UNC13B: variants seen among roughly 807,000 people sequenced by gnomAD.
UNC13B encodes the protein protein unc-13 homolog B.
In UNC13B, 144 loss-of-function variants were observed where a neutral mutation model predicts 211.0. That is an observed-to-expected ratio of 0.68 (90% CI 0.60 to 0.78). The LOEUF is 0.78. Ranked by LOEUF, UNC13B falls within the 30% of genes least tolerant of loss-of-function variation. UNC13B has a pLI of 0.00. For synonymous variants in UNC13B, 709 were observed against 725.8 expected, an observed-to-expected ratio of 0.98 and a Z score of 0.37; for missense variants, 1,777 against 2,002.0, an observed-to-expected ratio of 0.89 and a Z score of 2.14.
chr9:35,295,884 T>C lies in UNC13B; in HGVS notation c.715T>C (p.Ser239Pro). ...CAGTTCCCGGGACTCTTGTAATGAC[T>C]CTATGCAAAGTTATGACCTTGATTA... is the stretch of plus-strand genomic sequence containing the variant. ...QGSSRDSCNDSMQSYDLDYPE... is the reference protein window; with the variant it reads ...QGSSRDSCNDPMQSYDLDYPE... Residue 239 changes from serine to proline, a missense_variant, in exon 8 of 40, where the codon TCT becomes CCT. Ser to Pro is a moderately conservative substitution (Grantham distance 74). Transcript: ENST00000635942. 1 of 1,613,980 alleles carries C rather than the reference T, an allele frequency of 6.2e-7. No individual in the cohort carries two copies. Among genetic ancestry groups the C allele is most frequent in the Non-Finnish European group, 8.5e-7 (1 of 1,179,952 alleles).
chr9:35,346,032 T>C (rs1192652782), intron 11 of UNC13B, among the ~76,000 whole-genome samples: 1 of 152,230 alleles, frequency 6.6e-6, no homozygotes, highest in African/African-American at 2.4e-5. Flanking sequence ...TGCTAAGCCT[T>C]TGATCTAGGG....
chr9:35,168,098 T>G (rs769516408), intron 1 of UNC13B, among the ~76,000 whole-genome samples: 5 of 151,952 alleles, frequency 3.3e-5, no homozygotes, highest in Admixed American at 6.6e-5. Flanking sequence ...TTTCTACTTT[T>G]TGTAGGATGG....
rs1830128185 is a variant in UNC13B at position 35,310,461 on chromosome 9, T to C, written c.9009-6T>C. ...TTACTTATCTGTCTTTCTGTCATTC[T>C]CACAGCCCCACCAGCAGCAGTAGGT... On this transcript the variant is annotated splice_polypyrimidine_tract_variant and splice_region_variant and intron_variant, in intron 9 of 39. Coordinates refer to ENST00000635942, the MANE Select transcript of UNC13B (RefSeq NM_001371189.2). 3 of 1,611,570 alleles carry C rather than the reference T, an allele frequency of 1.9e-6. No individual in the cohort carries two copies. The highest frequency in any genetic ancestry group is 2.5e-6 in the Non-Finnish European group (3 of 1,178,064).
intron 1 of UNC13B, among the ~76,000 whole-genome samples, chr9:35,215,656 T>C (rs2131435293): frequency 6.6e-6 from 1 of 152,366 alleles, no homozygotes; most frequent in East Asian, 1.9e-4. Context: ...TGGAATGTGA[T>C]AAACTAGTTT....
At chr9:35,402,929 A>T (rs188529910) in intron 37 of UNC13B, among the ~76,000 whole-genome samples, 56 of 152,280 alleles carry the variant, frequency 3.7e-4, no homozygotes, top group Admixed American at 1.9e-3. Context: ...GATCCTTGAG[A>T]GAGAGTCTTA....
chr9:35,353,158 GAAT>G, intron 11 of UNC13B: 1 of 1,232,150 alleles, frequency 8.1e-7, no homozygotes, highest in Non-Finnish European at 1.0e-6. Context: ...ATATTGACCT[GAAT>G]GAAGAGGAGG....
At chr9:35,317,338 C>A (rs981387669) in intron 11 of UNC13B, among the ~76,000 whole-genome samples, 1 of 151,908 alleles carries the variant, frequency 6.6e-6, no homozygotes, top group African/African-American at 2.4e-5. Context: ...GTAGCTAGGA[C>A]TATAGGTACG....
At chr9:35,364,426 A>G in intron 11 of UNC13B, 26 of 1,029,082 alleles carry the variant, frequency 2.5e-5, no homozygotes, top group Non-Finnish European at 3.2e-5. Context: ...TGTCCCGAGG[A>G]CCTCTCCCTC....
intron 6 of UNC13B, among the ~76,000 whole-genome samples, chr9:35,252,236 TATG>T (rs1236761391): frequency 1.3e-5 from 2 of 152,234 alleles, no homozygotes; most frequent in Non-Finnish European, 2.9e-5. Flanking sequence ...TTTCATTCAT[TATG>T]ATGTTTTCCC....
At chr9:35,220,931 CTT>C (rs1824532403) in intron 1 of UNC13B, among the ~76,000 whole-genome samples, 1 of 152,096 alleles carries the variant, frequency 6.6e-6, no homozygotes, top group Admixed American at 6.6e-5. Context: ...TATTGCTTGT[CTT>C]TTGGATAAAA....
At chr9:35,231,766 G>A (rs954951509) in intron 3 of UNC13B, among the ~76,000 whole-genome samples, 12 of 151,936 alleles carry the variant, frequency 7.9e-5, no homozygotes, top group South Asian at 4.2e-4. Flanking sequence ...AGAATTTCTC[G>A]TGTATGACAA....
intron 24 of UNC13B, among the ~76,000 whole-genome samples, chr9:35,389,266 T>C (rs975077217): frequency 1.3e-5 from 2 of 152,162 alleles, no homozygotes; most frequent in East Asian, 3.8e-4. Context: ...CTTATCTAGT[T>C]AGGCAGATAG....
chr9:35,376,731 A>C (rs925559043), intron 15 of UNC13B, among the ~76,000 whole-genome samples: 2 of 152,234 alleles, frequency 1.3e-5, no homozygotes, highest in Non-Finnish European at 2.9e-5. Flanking sequence ...TAGAAATGTC[A>C]AATGAATCTG....
intron 11 of UNC13B, among the ~76,000 whole-genome samples, chr9:35,337,483 A>G (rs1182546973): frequency 2.6e-5 from 4 of 152,142 alleles, no homozygotes; most frequent in Non-Finnish European, 5.9e-5. Flanking sequence ...AGTCCTCTAA[A>G]CACGTAGTTC....
intron 1 of UNC13B, among the ~76,000 whole-genome samples, chr9:35,192,350 GCTT>G (rs1340891857): frequency 6.6e-6 from 1 of 151,814 alleles, no homozygotes; most frequent in African/African-American, 2.4e-5. Context: ...TTCCCTTTTT[GCTT>G]ATTATAGGAG....
At chr9:35,276,305 C>CAAA (rs35634253) in intron 7 of UNC13B, among the ~76,000 whole-genome samples, 3 of 84,028 alleles carry the variant, frequency 3.6e-5, no homozygotes, top group South Asian at 4.6e-4. Context: ...GAGCCTGTCT[C>CAAA]AAAAAAAAAA....
rs146196750 is a variant in UNC13B, at chr9:35,281,911, A to T, written c.527-13785A>T. 1.8e-3 allele frequency among the ~76,000 whole-genome samples: 275 copies of T among 152,318 alleles called. 1 individual carries two copies. Among genetic ancestry groups the T allele is most frequent in the African/African-American group, 6.3e-3 (263 of 41,572 alleles). On this transcript the variant is annotated intron_variant, in intron 7 of 39. Coordinates refer to ENST00000635942, the MANE Select transcript of UNC13B (RefSeq NM_001371189.2). ...GGGTACTGCAAGTTGAAAATTCTTG[A>T]TGGCTTCGGTGGAGGGAATAAGAAG...
intron 6 of UNC13B, 58 bp from the exon 7 acceptor site, chr9:35,258,935 G>C: frequency 6.4e-7 from 1 of 1,561,866 alleles, no homozygotes; most frequent in Non-Finnish European, 8.7e-7. Flanking sequence ...TTTTTTCCCT[G>C]TCTTTACTTG....
chr9:35,275,528 TA>T (rs1246350604), intron 7 of UNC13B, among the ~76,000 whole-genome samples: 2 of 152,204 alleles, frequency 1.3e-5, no homozygotes, highest in Non-Finnish European at 2.9e-5. Flanking sequence ...GCTGTTCGAA[TA>T]TACAGGTATA....
Sources: gnomAD v4.1 joint callset for allele counts (sites outside exome capture counted in the v4.1 genomes callset) on GRCh38, gnomAD v4.1.1 for gene constraint, MANE v1.5 for transcripts, NCBI Gene and HGNC (gene_info 2026-07-23, HGNC 2026-07-21) for gene names.